AHCTF1: variants seen among roughly 807,000 people sequenced by gnomAD.
AHCTF1 encodes AT-hook containing transcription factor 1.
In AHCTF1, 24 loss-of-function variants were observed where a neutral mutation model predicts 248.4. The ratio of observed to expected loss-of-function variants is 0.10; its 90% confidence interval spans 0.07 to 0.14. The LOEUF (loss-of-function observed/expected upper bound fraction) is 0.14. Ranked by LOEUF, AHCTF1 falls within the 10% of genes least tolerant of loss-of-function variation. AHCTF1 has a pLI of 1.00. For missense variants in AHCTF1, 2,206 were observed against 2,636.2 expected (o/e 0.84, Z 3.57); for synonymous variants, 786 against 929.8 (o/e 0.85, Z 2.81).
chr1:246,930,465 C>T (rs887743192), intron 1 of AHCTF1, among the ~76,000 whole-genome samples: 2 of 152,038 alleles, frequency 1.3e-5, no homozygotes, highest in Admixed American at 1.3e-4. Context: ...TAAAACATCC[C>T]TTCAAGTATT....
chr1:246,842,767 C>A lies in AHCTF1; in HGVS notation c.6535G>T (p.Ala2179Ser). The change falls in exon 35 of 36, where the codon GCA becomes TCA. Residue 2179 changes from alanine (A) to serine (S), a missense_variant. Coordinates refer to ENST00000648844, the MANE Select transcript of AHCTF1 (RefSeq NM_001323342.2). Reference sequence around the variant, plus strand: ...TTTCCCAGAGTTTCTACTGATTGTGCATCATCTTTCTATGGGTTAAACATT... The same window carrying A: ...TTTCCCAGAGTTTCTACTGATTGTGAATCATCTTTCTATGGGTTAAACATT... ...NKLEDELKDD[A>S]QSVETLGKPK... is the part of the protein sequence containing the mutation. 1 of 1,613,268 alleles carries A rather than the reference C, an allele frequency of 6.2e-7. No homozygotes were observed.
At chr1:246,882,642 A>G (rs1663531367) in intron 21 of AHCTF1, among the ~76,000 whole-genome samples, 1 of 152,258 alleles carries the variant, frequency 6.6e-6, no homozygotes, top group Admixed American at 6.5e-5. Context: ...AACAAAGAGG[A>G]AAAATTATGC....
rs764680152 is a variant in AHCTF1, at chr1:246,840,603, T to G, written c.*203A>C. On this transcript the variant is annotated 3_prime_UTR_variant, in exon 36 of 36. Coordinates refer to ENST00000648844, the MANE Select transcript of AHCTF1 (RefSeq NM_001323342.2). ...AGCCATATTTACATATATAAATGTATGAAGTCTTAATATAAAATAGAAAAA... is the reference window on the plus strand; with the variant it reads ...AGCCATATTTACATATATAAATGTAGGAAGTCTTAATATAAAATAGAAAAA... The G allele has an allele frequency of 9.3e-6, 3 of 324,082 alleles. No individual in the cohort carries two copies. Among genetic ancestry groups the G allele is most frequent in the Admixed American group, 4.8e-5 (1 of 20,862 alleles). The allele number at this position is 324,082 out of a possible 1,614,324, so 20.1% of individuals were successfully genotyped here.
At chr1:246,907,978 AT>A (rs1197181613) in intron 4 of AHCTF1, among the ~76,000 whole-genome samples, 1 of 152,230 alleles carries the variant, frequency 6.6e-6, no homozygotes, top group African/African-American at 2.4e-5. Context: ...ATTATATAAT[AT>A]TTAAAAATTC....
chr1:246,920,352 A>G (rs762669685), intron 1 of AHCTF1, among the ~76,000 whole-genome samples: 2 of 152,140 alleles, frequency 1.3e-5, no homozygotes, highest in Non-Finnish European at 2.9e-5. Flanking sequence ...AAAATCAAGT[A>G]GATTTGAAAA....
In AHCTF1 at chr1:246,860,937, G is replaced by A; in HGVS notation, c.4094C>T (p.Ala1365Val). The A allele has an allele frequency of 6.2e-7, 1 of 1,612,224 alleles. No homozygotes were observed. Among genetic ancestry groups the A allele is most frequent in the Non-Finnish European group, 8.5e-7 (1 of 1,178,358 alleles). ...TEKDGDKDVF[A>V]SEVTPSDLQK... is the part of the protein sequence containing the mutation. ...TAGGTCTGAAGGAGTTACTTCTGATGCAAATACATCTTTATCTCCATCCTT... is the reference window on the plus strand; with the variant it reads ...TAGGTCTGAAGGAGTTACTTCTGATACAAATACATCTTTATCTCCATCCTT... Residue 1365 changes from alanine to valine, a missense_variant, in exon 29 of 36, where the codon GCA (alanine) becomes GTA (valine). Ala to Val is a moderately conservative substitution (Grantham distance 64). Transcript: ENST00000648844.
chr1:246,931,933 C>G lies in AHCTF1; in HGVS notation c.-363G>C, dbSNP rs1426397138. On this transcript the variant is annotated 5_prime_UTR_variant, in exon 1 of 36. Transcript: ENST00000648844. ...CGCCGGCCCCGCTCTGCGCATTACC[C>G]TGCGCCGACAAAACCGAGTTCCACA... The G allele has an allele frequency of 6.6e-6, 1 of 150,948 alleles. No individual in the cohort carries two copies. Among genetic ancestry groups the G allele is most frequent in the Non-Finnish European group, 1.5e-5 (1 of 67,706 alleles). The allele number at this position is 150,948 out of a possible 1,614,324, so 9.4% of individuals were successfully genotyped here.
At chr1:246,846,112 T>C (rs1321592299) in intron 33 of AHCTF1, among the ~76,000 whole-genome samples, 2 of 148,124 alleles carry the variant, frequency 1.4e-5, no homozygotes, top group African/African-American at 5.0e-5. Context: ...TAGTATGGCC[T>C]TAGGTATATA....
At position 246,913,120 on chromosome 1, in the gene AHCTF1, A is replaced by G. The variant is rs188398068; in HGVS notation, c.556+112T>C. On this transcript the variant is annotated intron_variant, in intron 4 of 35. Coordinates refer to ENST00000648844, the MANE Select transcript of AHCTF1 (RefSeq NM_001323342.2). ...ACCTTTTTTTTTTTTATAGATAGGAAGATATCTTTTATTTTACTCCAGCTG... is the reference window on the plus strand; with the variant it reads ...ACCTTTTTTTTTTTTATAGATAGGAGGATATCTTTTATTTTACTCCAGCTG... 5.5e-4 allele frequency: 465 copies of G among 839,734 alleles called. 1 individual carries two copies. The highest frequency in any genetic ancestry group is 1.6e-3 in the Admixed American group (48 of 30,088). 52.0% of individuals were successfully genotyped at this position (839,734 alleles called of 1,614,324 possible). A position where few individuals can be genotyped will look rare whatever the true frequency, so the allele number is the denominator to read the frequency against.
At chr1:246,880,231 T>C (rs1169312352) in intron 21 of AHCTF1, among the ~76,000 whole-genome samples, 1 of 150,812 alleles carries the variant, frequency 6.6e-6, no homozygotes, top group Non-Finnish European at 1.5e-5. Context: ...TTGTTATATA[T>C]ATATATAAAA....
At chr1:246,847,692 G>T (rs927041705) in intron 33 of AHCTF1, among the ~76,000 whole-genome samples, 11 of 152,044 alleles carry the variant, frequency 7.2e-5, no homozygotes, top group East Asian at 3.9e-4. Flanking sequence ...TAGAGATGGG[G>T]TTTTTTTGGC....
In AHCTF1 at chr1:246,926,840, G is replaced by A. The variant is rs372742919; in HGVS notation, c.-8+4738C>T. Among the ~76,000 whole-genome samples, 18 of 147,412 alleles carry A rather than the reference G, an allele frequency of 1.2e-4. No individual in the cohort carries two copies. The East Asian group carries it at 2.3e-3, about 19-fold the overall frequency. Reference sequence around the variant, plus strand: ...CATTGCACTCCAGCCTGGGCAACAAGAGCGAAACCCCGTTTCAAAACAAAC... The same window carrying A: ...CATTGCACTCCAGCCTGGGCAACAAAAGCGAAACCCCGTTTCAAAACAAAC... On this transcript the variant is annotated intron_variant, in intron 1 of 35. Transcript: ENST00000648844.
chr1:246,891,096 A>G (rs769453707), intron 15 of AHCTF1, 36 bp from the exon 16 acceptor site: 23 of 1,372,882 alleles, frequency 1.7e-5, no homozygotes, highest in Non-Finnish European at 2.2e-5. Flanking sequence ...GTTTACTTAC[A>G]AAAAAATCAA....
Position 246,862,065 on chromosome 1 carries a change from G to A in AHCTF1, c.3629C>T (p.Thr1210Ile). The A allele has an allele frequency of 6.2e-7, 1 of 1,612,024 alleles. No individual in the cohort carries two copies. The highest frequency in any genetic ancestry group is 8.5e-7 in the Non-Finnish European group (1 of 1,178,046). Residue 1210 changes from threonine to isoleucine, a missense_variant, in exon 28 of 36, where the codon ACA (threonine) becomes ATA (isoleucine). By Grantham distance (89) the Thr-to-Ile change is moderately conservative (BLOSUM62 -1). Transcript: ENST00000648844. ...QSILRSTLRSTPLASPSPSPG... is the reference protein window; with the variant it reads ...QSILRSTLRSIPLASPSPSPG... The stretch of plus-strand genomic sequence containing the variant: ...TGATGGAGAGGGAGATGCTAAAGGT[G>A]TTGATCGAAGAGTAGACCTCAGGAT...
intron 33 of AHCTF1, among the ~76,000 whole-genome samples, chr1:246,847,824 A>G (rs891379149): frequency 6.6e-6 from 1 of 152,204 alleles, no homozygotes; most frequent in Non-Finnish European, 1.5e-5. Context: ...GCTCTAACAA[A>G]ATAACTCTCA....
chr1:246,854,128 T>C (rs918697130), intron 31 of AHCTF1, among the ~76,000 whole-genome samples: 6 of 151,960 alleles, frequency 3.9e-5, no homozygotes, highest in African/African-American at 1.2e-4. Flanking sequence ...TGAAACCCTG[T>C]CTCCACTAAA....
At chr1:246,904,061 T>C (rs372344061) in intron 6 of AHCTF1, 28 bp from the exon 7 acceptor site, 31 of 1,563,232 alleles carry the variant, frequency 2.0e-5, no homozygotes, top group Non-Finnish European at 2.7e-5. Flanking sequence ...GAAGACACGC[T>C]AAATATATTA....
At chr1:246,923,285 T>C (rs1019516421) in intron 1 of AHCTF1, among the ~76,000 whole-genome samples, 1 of 150,206 alleles carries the variant, frequency 6.7e-6, no homozygotes, top group African/African-American at 2.4e-5. Flanking sequence ...CATGGTGACA[T>C]GCGTCTGTAA....
chr1:246,842,378 T>C (rs1274783801), intron 35 of AHCTF1, among the ~76,000 whole-genome samples: 1 of 151,950 alleles, frequency 6.6e-6, no homozygotes. Context: ...GACCAGGAGT[T>C]TGAGACCAGC....
Sources: allele counts gnomAD v4.1 joint callset (sites outside exome capture counted in the v4.1 genomes callset), GRCh38; gene constraint gnomAD v4.1.1; transcripts MANE v1.5; gene names NCBI Gene and HGNC (gene_info 2026-07-23, HGNC 2026-07-21).